Variants in TTC8 observed in about 807,000 individuals in gnomAD.
TTC8 encodes the protein tetratricopeptide repeat protein 8.
In TTC8, 47 loss-of-function variants were observed where a neutral mutation model predicts 72.5. That is an observed-to-expected ratio of 0.65 (90% CI 0.51 to 0.83). The LOEUF is 0.83. Ranked by LOEUF, TTC8 falls within the 40% of genes least tolerant of loss-of-function variation. The probability of loss-of-function intolerance (pLI) is 0.00; values close to 1 mark genes in which losing one functional copy is unlikely to be tolerated. For missense variants in TTC8, 611 were observed against 623.2 expected, an observed-to-expected ratio of 0.98 and a Z score of 0.21; for synonymous variants, 199 against 221.4, an observed-to-expected ratio of 0.90 and a Z score of 0.90.
At chr14:88,827,911 T>G (rs1269850035) in intron 1 of TTC8, among the ~76,000 whole-genome samples, 2 of 152,232 alleles carry the variant, frequency 1.3e-5, no homozygotes, top group Non-Finnish European at 2.9e-5. Context: ...GTTTGTGTGG[T>G]ATCCCAAGCA....
intron 13 of TTC8, among the ~76,000 whole-genome samples, chr14:88,874,331 G>A (rs1402764774): frequency 1.3e-5 from 2 of 152,138 alleles, no homozygotes; most frequent in Non-Finnish European, 2.9e-5. Context: ...TACAAGTTGA[G>A]GGGTTGTTAG....
At chr14:88,881,070 C>T (rs1325910384), downstream of TTC8, 1 of 151,568 alleles carries the variant, frequency 6.6e-6, no homozygotes, top group Non-Finnish European at 1.5e-5. Flanking sequence ...TATTAAATTC[C>T]TTCCATTTCT....
At chr14:88,844,578 T>C (rs947200940) in intron 7 of TTC8, among the ~76,000 whole-genome samples, 6 of 152,156 alleles carry the variant, frequency 3.9e-5, no homozygotes, top group Admixed American at 3.9e-4. Context: ...AGAGTCTCAC[T>C]CTGTCACCCA....
At chr14:88,867,750 G>A (rs984907299) in intron 10 of TTC8, among the ~76,000 whole-genome samples, 1 of 152,140 alleles carries the variant, frequency 6.6e-6, no homozygotes, top group African/African-American at 2.4e-5. Flanking sequence ...AAGTATACAA[G>A]TATTCAAAAG....
At chr14:88,872,283 A>C in intron 12 of TTC8, 47 bp from the exon 13 acceptor site, 1 of 1,611,646 alleles carries the variant, frequency 6.2e-7, no homozygotes, top group Non-Finnish European at 8.5e-7. Context: ...AGAAGGGAGG[A>C]GGAAGTAAAC....
At chr14:88,870,472 A>G (rs926961466) in intron 11 of TTC8, among the ~76,000 whole-genome samples, 1 of 152,218 alleles carries the variant, frequency 6.6e-6, no homozygotes, top group African/African-American at 2.4e-5. Context: ...ATCAACCAAT[A>G]AGTTGAATAG....
chr14:88,874,997 G>A, intron 13 of TTC8, 29 bp from the exon 14 acceptor site: 1 of 1,584,194 alleles, frequency 6.3e-7, no homozygotes, highest in African/African-American at 1.3e-5. Context: ...TACGCCTTTG[G>A]TTTTTCTTTT....
chr14:88,840,212 C>T (rs75380554), intron 3 of TTC8: 4,225 of 156,194 alleles, frequency 0.027, 142 homozygotes, highest in East Asian at 0.16. Flanking sequence ...CAACTCATTA[C>T]AGATTTCTTT....
At chr14:88,849,926 T>C (rs1217229971) in intron 7 of TTC8, among the ~76,000 whole-genome samples, 2 of 152,180 alleles carry the variant, frequency 1.3e-5, no homozygotes, top group Non-Finnish European at 2.9e-5. Context: ...ACATGCTCTT[T>C]AATTTCATCA....
chr14:88,840,781 C>A, intron 3 of TTC8, 84 bp from the exon 4 acceptor site: 3 of 1,381,188 alleles, frequency 2.2e-6, no homozygotes, highest in Non-Finnish European at 3.0e-6. Context: ...ACCAGGCCAG[C>A]GCAATTCTGA....
intron 14 of TTC8, among the ~76,000 whole-genome samples, chr14:88,876,915 T>G (rs2094959670): frequency 1.3e-5 from 2 of 152,218 alleles, no homozygotes; most frequent in Non-Finnish European, 2.9e-5. Flanking sequence ...CTGAGCTATC[T>G]AGAGCTGGCT....
Position 88,843,827 on chromosome 14 carries a change from C to A in TTC8, c.601C>A (p.His201Asn). ...LAKALFEYIF[H>N]HENDVKTALD... ...ACAGGCTTTGTTTGAGTATATCTTT[C>A]ATCATGAAAATGATGTTAAGACTGT... The change falls in exon 7 of 15, where the codon CAT (histidine) becomes AAT (asparagine). Residue 201 changes from histidine (H) to asparagine (N), a missense_variant. Transcript: ENST00000380656. 1 of 1,593,908 alleles carries A rather than the reference C, an allele frequency of 6.3e-7. No homozygotes were observed. The highest frequency in any genetic ancestry group is 8.6e-7 in the Non-Finnish European group (1 of 1,167,864).
intron 7 of TTC8, 143 bp downstream of exon 7, chr14:88,843,993 C>T (rs2094794294): frequency 3.1e-6 from 2 of 645,512 alleles, no homozygotes; most frequent in South Asian, 4.1e-5. Flanking sequence ...AAAATCCACC[C>T]TCAGTTTCTG....
intron 10 of TTC8, among the ~76,000 whole-genome samples, chr14:88,864,994 T>C (rs117325361): frequency 0.016 from 2,458 of 152,328 alleles, 24 homozygotes; most frequent in Non-Finnish European, 0.025. Context: ...GTTGAAGATA[T>C]CTTTTAAATA....
chr14:88,864,294 G>T (rs1045763965), intron 10 of TTC8, among the ~76,000 whole-genome samples: 5 of 152,082 alleles, frequency 3.3e-5, no homozygotes, highest in Non-Finnish European at 4.4e-5. Flanking sequence ...AAATATTCTG[G>T]ACTCTAAATT....
At chr14:88,836,109 T>A (rs1431295157) in intron 2 of TTC8, among the ~76,000 whole-genome samples, 1 of 152,200 alleles carries the variant, frequency 6.6e-6, no homozygotes, top group Non-Finnish European at 1.5e-5. Flanking sequence ...TTCATACCAT[T>A]GTTTCTTAAG....
chr14:88,841,238 T>C, intron 5 of TTC8, 42 bp downstream of exon 5: 1 of 1,612,722 alleles, frequency 6.2e-7, no homozygotes, highest in Non-Finnish European at 8.5e-7. Flanking sequence ...ATTACTTTGG[T>C]ATTACCAAAG....
chr14:88,838,847 A>G lies in TTC8; in HGVS notation c.145-605A>G, dbSNP rs371353282. On this transcript the variant is annotated intron_variant, in intron 2 of 14. Coordinates refer to ENST00000380656, the MANE Select transcript of TTC8 (RefSeq NM_144596.4). ...AGTGTTGTTTCGTTATTGGAATCGG[A>G]TAAATTGATCTTAGTTCAGTTCAAC... Among the ~76,000 whole-genome samples, 12 of 152,310 alleles carry G rather than the reference A, an allele frequency of 7.9e-5. 1 individual carries two copies. The highest frequency in any genetic ancestry group is 3.9e-4 in the East Asian group (2 of 5,184).
In TTC8 at chr14:88,875,060, C is replaced by T. The variant is rs139195149; in HGVS notation, c.1382C>T (p.Ala461Val). Residue 461 changes from alanine (A) to valine (V), a missense_variant, in exon 14 of 15, where the codon GCA becomes GTA. Ala to Val is a moderately conservative substitution (Grantham distance 64, BLOSUM62 0). Coordinates refer to ENST00000380656, the MANE Select transcript of TTC8 (RefSeq NM_144596.4). ...RALLQTASSL[A>V]PHMYEPHFNF... ...CTATTACAAACTGCATCATCATTAG[C>T]ACCCCATATGTATGAACCGCATTTT... 131 of 1,612,696 alleles carry T rather than the reference C, an allele frequency of 8.1e-5. No individual in the cohort carries two copies. Among genetic ancestry groups the T allele is most frequent in the Non-Finnish European group, 1.1e-4 (127 of 1,179,566 alleles).
Sources: gnomAD v4.1 joint callset for allele counts (sites outside exome capture counted in the v4.1 genomes callset) on GRCh38, gnomAD v4.1.1 for gene constraint, MANE v1.5 for transcripts, NCBI Gene and HGNC (gene_info 2026-07-23, HGNC 2026-07-21) for gene names.